The following CAMKV variants were observed in gnomAD, a reference collection of about 807,000 sequenced individuals.
CAMKV encodes the protein caM kinase-like vesicle-associated protein.
In CAMKV, 5 loss-of-function variants were observed where a neutral mutation model predicts 50.2. The ratio of observed to expected loss-of-function variants is 0.10; its 90% CI spans 0.05 to 0.21. The LOEUF (loss-of-function observed/expected upper bound fraction) is 0.21. Ranked by LOEUF, CAMKV falls within the 10% of genes least tolerant of loss-of-function variation. The pLI is 1.00. For synonymous variants in CAMKV, 229 were observed against 250.1 expected (o/e 0.92, Z 0.80); for missense variants, 361 against 650.5 (o/e 0.55, Z 4.84).
At chr3:49,867,732 G>A (rs968947667) in intron 1 of CAMKV, among the ~76,000 whole-genome samples, 1 of 152,036 alleles carries the variant, frequency 6.6e-6, no homozygotes, top group Non-Finnish European at 1.5e-5. Flanking sequence ...GGGGAGGTGG[G>A]GAGATGGAGA....
Position 49,862,395 on chromosome 3 carries a change from G to A in CAMKV, c.-7C>T. 6.2e-7 allele frequency: 1 copy of A among 1,613,192 alleles called. No homozygotes were observed. Among genetic ancestry groups the A allele is most frequent in the Non-Finnish European group, 8.5e-7 (1 of 1,179,152 alleles). On this transcript the variant is annotated 5_prime_UTR_variant, in exon 2 of 11. Coordinates refer to ENST00000477224, the MANE Select transcript of CAMKV (RefSeq NM_024046.5). The surrounding 1 kb of genome is among the most constrained non-coding windows in gnomAD (Gnocchi z 5.2). ...TCACACACCCAAACGGCATTGCCAG[G>A]CTCTAACCTGCGGGCACAATGGGGT...
chr3:49,859,401 C>T lies in CAMKV; in HGVS notation c.1423G>A (p.Ala475Thr), dbSNP rs778427920. The T allele has an allele frequency of 2.3e-5, 37 of 1,598,838 alleles. No homozygotes were observed. In the Admixed American group the frequency reaches 3.5e-4, roughly 15 times the overall value. Residue 475 changes from alanine (A) to threonine (T), a missense_variant, in exon 11 of 11, where the codon GCC becomes ACC. Physicochemically the swap from Ala to Thr is moderately conservative, Grantham distance 58 (BLOSUM62 0). Around this residue, in one of 4 missense-constraint regions of CAMKV, gnomAD observed 75 missense variants for 84.2 expected, o/e 0.89. Transcript: ENST00000477224. The surrounding 1 kb of genome is among the most constrained non-coding windows in gnomAD (Gnocchi z 5.5). ...AQPDSTAPEG[A>T]TGQAPPSSKG... is the part of the protein sequence containing the mutation. ...CTAGAGGGTGGAGCCTGGCCTGTGGCGCCCTCTGGGGCTGTGCTGTCCGGC... is the reference window on the plus strand; with the variant it reads ...CTAGAGGGTGGAGCCTGGCCTGTGGTGCCCTCTGGGGCTGTGCTGTCCGGC...
Position 49,859,951 on chromosome 3 carries a change from C to A in CAMKV, c.943-70G>T. 7.0e-7 allele frequency: 1 copy of A among 1,422,004 alleles called. No homozygotes were observed. The highest frequency in any genetic ancestry group is 9.4e-7 in the Non-Finnish European group (1 of 1,066,360). 88.1% of individuals were successfully genotyped at this position (1,422,004 alleles called of 1,614,324 possible). ...GATCCATTGCTTGGCAGTGACCAAA[C>A]CAAACTCCTTCCATAGTACCCCCGG... On this transcript the variant is annotated intron_variant, in intron 10 of 10. Transcript: ENST00000477224. This position sits in a 1 kb window ranked among gnomAD's most constrained non-coding sequence, Gnocchi z 5.5.
chr3:49,860,101 G>T lies in CAMKV; in HGVS notation c.942+70C>A. Reference sequence around the variant, plus strand: ...TTGTGTGTGGCTGCAGGGGTGTGATGCAGGCAAGAAACTGAGTGCCAGAAG... The same window carrying T: ...TTGTGTGTGGCTGCAGGGGTGTGATTCAGGCAAGAAACTGAGTGCCAGAAG... On this transcript the variant is annotated intron_variant, in intron 10 of 10. Coordinates refer to ENST00000477224, the MANE Select transcript of CAMKV (RefSeq NM_024046.5). The surrounding 1 kb of genome is among the most constrained non-coding windows in gnomAD (Gnocchi z 6.1). 1 of 1,385,510 alleles carries T rather than the reference G, an allele frequency of 7.2e-7. No homozygotes were observed. Among genetic ancestry groups the T allele is most frequent in the Non-Finnish European group, 1.0e-6 (1 of 973,172 alleles). 85.8% of individuals were successfully genotyped at this position (1,385,510 alleles called of 1,614,324 possible). A position where few individuals can be genotyped will look rare whatever the true frequency, so the allele number is the denominator to read the frequency against.
chr3:49,862,511 G>C lies in CAMKV; in HGVS notation c.-14-109C>G. On this transcript the variant is annotated intron_variant, in intron 1 of 10. Transcript: ENST00000477224. This position sits in a 1 kb window ranked among gnomAD's most constrained non-coding sequence, Gnocchi z 5.2. ...TGGCTCAGGCCAAGCTAGGGGCAGAGACCATACCAGGAGGGGCTAGAGGAT... is the reference window on the plus strand; with the variant it reads ...TGGCTCAGGCCAAGCTAGGGGCAGACACCATACCAGGAGGGGCTAGAGGAT... The C allele has an allele frequency of 2.3e-6, 2 of 888,646 alleles. No individual in the cohort carries two copies. Among genetic ancestry groups the C allele is most frequent in the Middle Eastern group, 4.6e-4 (2 of 4,330 alleles). 55.0% of individuals were successfully genotyped at this position (888,646 alleles called of 1,614,324 possible).
Position 49,859,952 on chromosome 3 carries a change from C to T in CAMKV, c.943-71G>A. 7.1e-7 allele frequency: 1 copy of T among 1,410,808 alleles called. No individual in the cohort carries two copies. The highest frequency in any genetic ancestry group is 1.4e-5 in the South Asian group (1 of 71,628). 87.4% of individuals were successfully genotyped at this position (1,410,808 alleles called of 1,614,324 possible). On this transcript the variant is annotated intron_variant, in intron 10 of 10. Coordinates refer to ENST00000477224, the MANE Select transcript of CAMKV (RefSeq NM_024046.5). This position sits in a 1 kb window ranked among gnomAD's most constrained non-coding sequence, Gnocchi z 5.5. ...ATCCATTGCTTGGCAGTGACCAAAC[C>T]AAACTCCTTCCATAGTACCCCCGGC...
At chr3:49,868,767 G>A (rs548063655) in intron 1 of CAMKV, among the ~76,000 whole-genome samples, 1 of 152,268 alleles carries the variant, frequency 6.6e-6, no homozygotes, top group African/African-American at 2.4e-5. Context: ...GTAGTCCTGG[G>A]GGCTCAAAGC....
intron 1 of CAMKV, chr3:49,863,383 G>A (rs1178321418): frequency 1.3e-5 from 2 of 152,210 alleles, no homozygotes; most frequent in Non-Finnish European, 2.9e-5. Context: ...TTAGAGACAA[G>A]TCTCACTATG....
Position 49,860,952 on chromosome 3 carries a change from A to G in CAMKV, c.629T>C (p.Met210Thr), listed in dbSNP as rs747722227. The G allele has an allele frequency of 6.2e-7, 1 of 1,614,154 alleles. No homozygotes were observed. Among genetic ancestry groups the G allele is most frequent in the South Asian group, 1.1e-5 (1 of 91,080 alleles). The change falls in exon 7 of 11, where the codon ATG becomes ACG. Residue 210 changes from methionine (M) to threonine (T), a missense_variant. Met to Thr is a moderately conservative substitution (Grantham distance 81). This residue lies in a region of CAMKV where 172 missense variants were observed against 414.3 expected (regional missense o/e 0.42). Transcript: ENST00000477224. This position sits in a 1 kb window ranked among gnomAD's most constrained non-coding sequence, Gnocchi z 6.1. The stretch of plus-strand genomic sequence containing the variant: ...CCATCTGTCCACTCACAGGATGTAC[A>G]TGATGACTCCAATGGCCCAGCAGTC... Reference protein sequence around the residue: ...PVDCWAIGVIMYILLSGNPPF... With the variant: ...PVDCWAIGVITYILLSGNPPF...
chr3:49,859,780 G>A lies in CAMKV; in HGVS notation c.1044C>T (p.Pro348=), dbSNP rs371059995. ...CAGCTGTGGCCCCACCTGCAGCCCC[G>A]GGGGTGGCAGTGTCTGTGGCTGAGG... ...QSASATDTAT[P]GAAGGATAAA... Residue 348 remains proline, a synonymous_variant, in exon 11 of 11, where the codon CCC becomes CCT. Coordinates refer to ENST00000477224, the MANE Select transcript of CAMKV (RefSeq NM_024046.5). The surrounding 1 kb of genome is among the most constrained non-coding windows in gnomAD (Gnocchi z 5.5). 1,165 of 1,556,264 alleles carry A rather than the reference G, an allele frequency of 7.5e-4. 22 individuals carry two copies. The South Asian group carries it at 0.013, about 18-fold the overall frequency.
At position 49,860,345 on chromosome 3, in the gene CAMKV, T is replaced by C. The variant is rs770211194; in HGVS notation, c.855-87A>G. 2 of 1,529,712 alleles carry C rather than the reference T, an allele frequency of 1.3e-6. No individual in the cohort carries two copies. The highest frequency in any genetic ancestry group is 1.8e-6 in the Non-Finnish European group (2 of 1,104,956). 94.8% of individuals were successfully genotyped at this position (1,529,712 alleles called of 1,614,324 possible). ...GCCCTTCTATGTGGCATCCAGGGACTACCAGGCAGAGCCTCTGGGCTGCCC... is the reference window on the plus strand; with the variant it reads ...GCCCTTCTATGTGGCATCCAGGGACCACCAGGCAGAGCCTCTGGGCTGCCC... On this transcript the variant is annotated intron_variant, in intron 9 of 10. Transcript: ENST00000477224. The surrounding 1 kb of genome is among the most constrained non-coding windows in gnomAD (Gnocchi z 6.1).
chr3:49,866,914 C>T (rs548734387), intron 1 of CAMKV, among the ~76,000 whole-genome samples: 1 of 152,374 alleles, frequency 6.6e-6, no homozygotes, highest in African/African-American at 2.4e-5. Context: ...TAGACATAAA[C>T]AGAGTTTCCT....
At chr3:49,867,217 G>A (rs1036715846) in intron 1 of CAMKV, among the ~76,000 whole-genome samples, 1 of 152,236 alleles carries the variant, frequency 6.6e-6, no homozygotes. Context: ...CTCCCTCAAG[G>A]TCTGTTAAGA....
In CAMKV at chr3:49,861,966, G is replaced by A; in HGVS notation, c.227+79C>T. On this transcript the variant is annotated intron_variant, in intron 3 of 10. Coordinates refer to ENST00000477224, the MANE Select transcript of CAMKV (RefSeq NM_024046.5). The surrounding 1 kb of genome is among the most constrained non-coding windows in gnomAD (Gnocchi z 7.7). Reference sequence around the variant, plus strand: ...CAGCAGACTAATTGGCCAGAGGCTGGGACTGCCTGAGGCCACTTGCCCTCT... The same window carrying A: ...CAGCAGACTAATTGGCCAGAGGCTGAGACTGCCTGAGGCCACTTGCCCTCT... 2 of 1,608,248 alleles carry A rather than the reference G, an allele frequency of 1.2e-6. No homozygotes were observed. The highest frequency in any genetic ancestry group is 8.5e-7 in the Non-Finnish European group (1 of 1,176,614).
chr3:49,863,194 A>G (rs1409195536), intron 1 of CAMKV, among the ~76,000 whole-genome samples: 1 of 152,256 alleles, frequency 6.6e-6, no homozygotes, highest in Non-Finnish European at 1.5e-5. Flanking sequence ...CAGGCAGAAC[A>G]AACCCGTAAG....
rs770285366 is a variant in CAMKV, at chr3:49,861,479, G to T, written c.401C>A (p.Ala134Asp). ...NVVRQVLEAV[A>D]YLHSLKIVHR... ...CACGATCTTGAGTGAGTGCAAATAG[G>T]CCACGGCCTCCAGGACTTGCCGTAC... The change falls in exon 5 of 11, where the codon GCC (alanine) becomes GAC (aspartate). Residue 134 changes from alanine to aspartate, a missense_variant. This residue lies in a region of CAMKV where 172 missense variants were observed against 414.3 expected (regional missense o/e 0.42). Transcript: ENST00000477224. This position sits in a 1 kb window ranked among gnomAD's most constrained non-coding sequence, Gnocchi z 7.7. The T allele has an allele frequency of 6.2e-7, 1 of 1,614,150 alleles. No individual in the cohort carries two copies. Among genetic ancestry groups the T allele is most frequent in the Non-Finnish European group, 8.5e-7 (1 of 1,180,044 alleles).
rs377281206 is a variant in CAMKV, at chr3:49,859,710, G to A, written c.1114C>T (p.Arg372Cys). The A allele has an allele frequency of 2.7e-5, 44 of 1,608,222 alleles. No individual in the cohort carries two copies. Among genetic ancestry groups the A allele is most frequent in the Non-Finnish European group, 3.3e-5 (39 of 1,176,756 alleles). The stretch of plus-strand genomic sequence containing the variant: ...GCCACATTATCACTCTTTGCAGCAC[G>A]AGCAGCATCACCCTCAGGGGCTGAG... The part of the protein sequence containing the change: ...ATSAPEGDAA[R>C]AAKSDNVAPA... The change falls in exon 11 of 11, where the codon CGT (arginine) becomes TGT (cysteine). Residue 372 changes from arginine (R) to cysteine (C), a missense_variant. Physicochemically the swap from Arg to Cys is radical, Grantham distance 180. Coordinates refer to ENST00000477224, the MANE Select transcript of CAMKV (RefSeq NM_024046.5). The surrounding 1 kb of genome is among the most constrained non-coding windows in gnomAD (Gnocchi z 5.5).
Position 49,858,517 on chromosome 3 carries a change from G to C in CAMKV, c.*801C>G, listed in dbSNP as rs2081995268. ...ACCCAGTAAGGCTGGGACACTGGGT[G>C]CTGGGCTTGTACTCTGCCCTGCCAG... On this transcript the variant is annotated 3_prime_UTR_variant, in exon 11 of 11. Transcript: ENST00000477224. The C allele has an allele frequency of 5.1e-6, 2 of 395,936 alleles. No individual in the cohort carries two copies. The highest frequency in any genetic ancestry group is 7.2e-5 in the East Asian group (2 of 27,962). The allele number at this position is 395,936 out of a possible 1,614,324, so 24.5% of individuals were successfully genotyped here. A position where few individuals can be genotyped will look rare whatever the true frequency, so the allele number is the denominator to read the frequency against.
At position 49,861,709 on chromosome 3, in the gene CAMKV, G is replaced by T; in HGVS notation, c.302+82C>A. On this transcript the variant is annotated intron_variant, in intron 4 of 10. Transcript: ENST00000477224. The surrounding 1 kb of genome is among the most constrained non-coding windows in gnomAD (Gnocchi z 7.7). ...ACCTGGGACGCCAAGGGTCCAGAAAGGGGGTTTCCTTAGCTGCAGAGGGTG... is the reference window on the plus strand; with the variant it reads ...ACCTGGGACGCCAAGGGTCCAGAAATGGGGTTTCCTTAGCTGCAGAGGGTG... The T allele has an allele frequency of 6.3e-7, 1 of 1,595,774 alleles. No individual in the cohort carries two copies. The highest frequency in any genetic ancestry group is 8.6e-7 in the Non-Finnish European group (1 of 1,165,224).
Sources: allele counts gnomAD v4.1 joint callset (sites outside exome capture counted in the v4.1 genomes callset), GRCh38; gene constraint gnomAD v4.1.1; regional missense constraint gnomAD v4.1.1; non-coding constraint Gnocchi (gnomAD v3.1); transcripts MANE v1.5; gene names NCBI Gene and HGNC (gene_info 2026-07-23, HGNC 2026-07-21).